Variants in DUT observed in about 807,000 individuals in gnomAD.
The protein encoded by DUT is deoxyuridine triphosphatase, also known as deoxyuridine 5'-triphosphate nucleotidohydrolase, mitochondrial.
DUT carries 21 observed loss-of-function variants against 28.8 expected under a neutral mutation model. The observed-to-expected ratio is 0.73, with a 90% confidence interval of 0.52 to 1.05. The LOEUF is 1.05. Ranked by LOEUF, DUT falls within the 50% of genes least tolerant of loss-of-function variation. The pLI is 0.00. For missense variants in DUT, 344 were observed against 351.8 expected (o/e 0.98, Z 0.18); for synonymous variants, 147 against 143.7 (o/e 1.02, Z -0.17).
At chr15:48,331,189 C>T, upstream of DUT, 1 of 1,519,188 alleles carries the variant, frequency 6.6e-7, no homozygotes, top group South Asian at 1.2e-5. Context: ...GGTGCCGCCC[C>T]AGGTAAATCA....
chr15:48,331,227 TAC>T (rs1042388862), upstream of DUT: 36 of 1,493,314 alleles, frequency 2.4e-5, no homozygotes, highest in African/African-American at 4.7e-4. Flanking sequence ...GGGCCTGGCG[TAC>T]ACTCTCGGAA....
chr15:48,334,825 C>T (rs909696001), intron 3 of DUT, among the ~76,000 whole-genome samples: 26 of 152,196 alleles, frequency 1.7e-4, no homozygotes, highest in Admixed American at 1.3e-4. Context: ...TGTAAGCCTA[C>T]TTAACCTTTT....
At position 48,342,504 on chromosome 15, in the gene DUT, A is replaced by G. The variant is rs2042550583; in HGVS notation, c.*426A>G. On this transcript the variant is annotated 3_prime_UTR_variant, in exon 7 of 7. Transcript: ENST00000331200. ...TTTTATTCAGTAAACAAATTCTTTCACAAGGTACAAAATCTTGCATAAGCT... is the reference window on the plus strand; with the variant it reads ...TTTTATTCAGTAAACAAATTCTTTCGCAAGGTACAAAATCTTGCATAAGCT... 1 of 152,430 alleles carries G rather than the reference A, an allele frequency of 6.6e-6. No individual in the cohort carries two copies. Among genetic ancestry groups the G allele is most frequent in the Non-Finnish European group, 1.5e-5 (1 of 68,214 alleles). The allele number at this position is 152,430 out of a possible 1,614,324, so 9.4% of individuals were successfully genotyped here.
intron 4 of DUT, among the ~76,000 whole-genome samples, chr15:48,337,588 A>G (rs2042488997): frequency 6.6e-6 from 1 of 152,216 alleles, no homozygotes; most frequent in African/African-American, 2.4e-5. Context: ...GGGACTTCAC[A>G]GATTGTTTTT....
intron 4 of DUT, among the ~76,000 whole-genome samples, chr15:48,340,457 TAA>T (rs1254813114): frequency 6.6e-6 from 1 of 152,148 alleles, no homozygotes; most frequent in Non-Finnish European, 1.5e-5. Context: ...TTTATCAATA[TAA>T]AAAAATGAAA....
At chr15:48,341,395 A>G in intron 5 of DUT, 32 bp downstream of exon 5, 1 of 1,574,008 alleles carries the variant, frequency 6.4e-7, no homozygotes, top group Non-Finnish European at 8.7e-7. Flanking sequence ...ACATAATTTT[A>G]GTGAATTTTC....
Position 48,331,440 on chromosome 15 carries a change from G to T in DUT, c.-76G>T, listed in dbSNP as rs1034707058. Reference sequence around the variant, plus strand: ...GCTTCCGAGGTCATGTTCCCAGGACGGGCGCGTCTTCAGGGTGGAAGCCTG... The same window carrying T: ...GCTTCCGAGGTCATGTTCCCAGGACTGGCGCGTCTTCAGGGTGGAAGCCTG... On this transcript the variant is annotated 5_prime_UTR_variant, in exon 1 of 7. Transcript: ENST00000331200. 6.3e-7 allele frequency: 1 copy of T among 1,581,650 alleles called. No individual in the cohort carries two copies. The highest frequency in any genetic ancestry group is 1.2e-5 in the South Asian group (1 of 86,336).
chr15:48,334,595 A>G (rs2042454995), intron 3 of DUT, 87 bp downstream of exon 3: 5 of 957,080 alleles, frequency 5.2e-6, no homozygotes, highest in South Asian at 4.9e-5. Context: ...ATAAGCAGGC[A>G]ATATTGCTTG....
At chr15:48,331,105 T>C, upstream of DUT, 2 of 1,225,108 alleles carry the variant, frequency 1.6e-6, no homozygotes, top group Non-Finnish European at 2.1e-6. Flanking sequence ...GCAATAACTG[T>C]CACCGGCGCC....
At chr15:48,341,711 G>A (rs1005764243) in intron 6 of DUT, 126 bp downstream of exon 6, 3 of 810,604 alleles carry the variant, frequency 3.7e-6, no homozygotes, top group Non-Finnish European at 5.7e-6. Context: ...CTTATTTTAA[G>A]CAAATTTAAA....
chr15:48,332,887 C>G, intron 2 of DUT: 2 of 420,012 alleles, frequency 4.8e-6, no homozygotes, highest in Admixed American at 5.3e-5. Flanking sequence ...CTGTAATCTA[C>G]CACACTTTCA....
At position 48,342,152 on chromosome 15, in the gene DUT, T is replaced by A. The variant is rs929730848; in HGVS notation, c.*74T>A. On this transcript the variant is annotated 3_prime_UTR_variant, in exon 7 of 7. Transcript: ENST00000331200. ...AAAAAAAAAAAGTTTTTGCTTCAAG[T>A]GTTTTGGTGTTTTGCACTTCTGTAA... 1 of 1,103,132 alleles carries A rather than the reference T, an allele frequency of 9.1e-7. No individual in the cohort carries two copies. The highest frequency in any genetic ancestry group is 2.0e-5 in the South Asian group (1 of 49,592). The allele number at this position is 1,103,132 out of a possible 1,614,324, so 68.3% of individuals were successfully genotyped here. A position where few individuals can be genotyped will look rare whatever the true frequency, so the allele number is the denominator to read the frequency against.
intron 4 of DUT, among the ~76,000 whole-genome samples, chr15:48,338,779 T>C (rs1283228892): frequency 6.6e-6 from 1 of 152,224 alleles, no homozygotes; most frequent in Admixed American, 6.5e-5. Flanking sequence ...GGCTGCTTCA[T>C]TTATTATAGC....
intron 2 of DUT, chr15:48,332,872 G>A: frequency 9.2e-6 from 4 of 433,960 alleles, no homozygotes; most frequent in South Asian, 6.6e-5. Flanking sequence ...GAAAGGCAGA[G>A]CTGCCTGTAA....
intron 4 of DUT, among the ~76,000 whole-genome samples, chr15:48,337,971 G>A (rs928173826): frequency 6.6e-6 from 1 of 152,108 alleles, no homozygotes; most frequent in African/African-American, 2.4e-5. Flanking sequence ...CCAAACTCTT[G>A]ACACAGTAAA....
In DUT at chr15:48,331,757, A is replaced by T. The variant is rs1396531481; in HGVS notation, c.242A>T (p.Glu81Val). 7 of 1,413,488 alleles carry T rather than the reference A, an allele frequency of 5.0e-6. No individual in the cohort carries two copies. Among genetic ancestry groups the T allele is most frequent in the Non-Finnish European group, 5.5e-6 (6 of 1,087,234 alleles). The allele number at this position is 1,413,488 out of a possible 1,614,324, so 87.6% of individuals were successfully genotyped here. Residue 81 changes from glutamate (E) to valine (V), a missense_variant, in exon 1 of 7, where the codon GAG (glutamate) becomes GTG (valine). Physicochemically the swap from Glu to Val is moderately radical, Grantham distance 121. Coordinates refer to ENST00000331200, the MANE Select transcript of DUT (RefSeq NM_001025248.2). Reference sequence around the variant, plus strand: ...GTCGGGGCCGCTGGCTGGAAGGGCGAGCTTCCTAAGGCGGGGGGAAGCCCG... The same window carrying T: ...GTCGGGGCCGCTGGCTGGAAGGGCGTGCTTCCTAAGGCGGGGGGAAGCCCG... ...STVGAAGWKG[E>V]LPKAGGSPAP...
chr15:48,331,759 C>A lies in DUT; in HGVS notation c.244C>A (p.Leu82Ile), dbSNP rs780887236. Residue 82 changes from leucine (L) to isoleucine (I), a missense_variant, in exon 1 of 7, where the codon CTT (leucine) becomes ATT (isoleucine). Physicochemically the swap from Leu to Ile is conservative, Grantham distance 5. Transcript: ENST00000331200. Reference sequence around the variant, plus strand: ...CGGGGCCGCTGGCTGGAAGGGCGAGCTTCCTAAGGCGGGGGGAAGCCCGGC... The same window carrying A: ...CGGGGCCGCTGGCTGGAAGGGCGAGATTCCTAAGGCGGGGGGAAGCCCGGC... ...TVGAAGWKGE[L>I]PKAGGSPAPG... 1 of 1,406,032 alleles carries A rather than the reference C, an allele frequency of 7.1e-7. No individual in the cohort carries two copies. Among genetic ancestry groups the A allele is most frequent in the Non-Finnish European group, 9.2e-7 (1 of 1,084,128 alleles). 87.1% of individuals were successfully genotyped at this position (1,406,032 alleles called of 1,614,324 possible).
Position 48,342,076 on chromosome 15 carries a change from TA to T in DUT, c.*2del. 2.6e-6 allele frequency: 4 copies of T among 1,560,192 alleles called. No homozygotes were observed. Among genetic ancestry groups the T allele is most frequent in the Non-Finnish European group, 2.6e-6 (3 of 1,157,650 alleles). Reference sequence around the variant, plus strand: ...AGGTTTTGGTTCCACTGGAAAGAATTAAAATTTATGCCAAGAACAGAAAACA... The same window carrying T: ...AGGTTTTGGTTCCACTGGAAAGAATTAAATTTATGCCAAGAACAGAAAACA... ...SGGFGSTGKN[*>X] On this transcript the variant is annotated frameshift_variant and stop_lost, in exon 7 of 7. Transcript: ENST00000331200. LOFTEE classifies it high-confidence loss of function.
At position 48,341,565 on chromosome 15, in the gene DUT, C is replaced by A. The variant is rs1271188758; in HGVS notation, c.682C>A (p.Pro228Thr). 6.2e-7 allele frequency: 1 copy of A among 1,611,882 alleles called. No individual in the cohort carries two copies. Among genetic ancestry groups the A allele is most frequent in the African/African-American group, 1.3e-5 (1 of 74,680 alleles). ...AQLICERIFYPEIEEVQALDD... is the reference protein window; with the variant it reads ...AQLICERIFYTEIEEVQALDD... Reference sequence around the variant, plus strand: ...GCTCATTTGCGAACGGATTTTTTATCCAGAAATAGAAGAAGTTCAAGTAAG... The same window carrying A: ...GCTCATTTGCGAACGGATTTTTTATACAGAAATAGAAGAAGTTCAAGTAAG... The change falls in exon 6 of 7, where the codon CCA (proline) becomes ACA (threonine). Residue 228 changes from proline (P) to threonine (T), a missense_variant. Physicochemically the swap from Pro to Thr is conservative, Grantham distance 38 (BLOSUM62 -1). Coordinates refer to ENST00000331200, the MANE Select transcript of DUT (RefSeq NM_001025248.2).
Sources: gnomAD v4.1 joint callset for allele counts (sites outside exome capture counted in the v4.1 genomes callset) on GRCh38, gnomAD v4.1.1 for gene constraint, MANE v1.5 for transcripts, NCBI Gene and HGNC (gene_info 2026-07-23, HGNC 2026-07-21) for gene names.